The following HK1 variants were observed in gnomAD, a reference collection of about 807,000 sequenced individuals.
HK1 encodes the protein hexokinase-1.
A neutral mutation model predicts 91.6 loss-of-function variants in HK1; 28 were observed. That is an observed-to-expected ratio of 0.31 (90% CI 0.23 to 0.42). The LOEUF (loss-of-function observed/expected upper bound fraction) is 0.42, where lower values mean the gene tolerates loss of function less well. Among genes scored for constraint, HK1 ranks in the 10% least tolerant of loss-of-function variants. HK1 has a pLI of 1.00. For synonymous variants in HK1, 430 were observed against 468.1 expected, an observed-to-expected ratio of 0.92 and a Z score of 1.05; for missense variants, 770 against 1,219.8, an observed-to-expected ratio of 0.63 and a Z score of 5.49.
chr10:69,305,845 T>G (rs1369079634), intron 5 of HK1, among the ~76,000 whole-genome samples: 1 of 145,890 alleles, frequency 6.9e-6, no homozygotes. Context: ...AGAGTGAGAC[T>G]CTGTCTCAAA....
intron 5 of HK1, among the ~76,000 whole-genome samples, chr10:69,303,877 G>C (rs956414527): frequency 3.3e-5 from 5 of 152,192 alleles, no homozygotes; most frequent in Admixed American, 1.3e-4. Flanking sequence ...AGGATAATTT[G>C]GTGGGTAGGA....
At chr10:69,288,359 A>C (rs1324405642) in intron 2 of HK1, among the ~76,000 whole-genome samples, 1 of 152,132 alleles carries the variant, frequency 6.6e-6, no homozygotes, top group Non-Finnish European at 1.5e-5. Context: ...CCTGTAACCC[A>C]GCACTTTAGG....
Position 69,364,786 on chromosome 10 carries a change from T to C in HK1, c.379T>C (p.Phe127Leu). 6.2e-7 allele frequency: 1 copy of C among 1,614,202 alleles called. No homozygotes were observed. Among genetic ancestry groups the C allele is most frequent in the Non-Finnish European group, 8.5e-7 (1 of 1,180,042 alleles). ...ACTGCTCTCATGTTTCCTTCAGCTT[T>C]TTGATCATGTTGCTGAGTGCCTGGG... The part of the protein sequence containing the change: ...NIVHGSGSQL[F>L]DHVAECLGDF... The change falls in exon 4 of 18, where the codon TTT becomes CTT. Residue 127 changes from phenylalanine to leucine, a missense_variant. By Grantham distance (22) the Phe-to-Leu change is conservative. Around this residue, in one of 7 missense-constraint regions of HK1, gnomAD observed 449 missense variants for 665.1 expected, o/e 0.68. Coordinates refer to ENST00000359426, the MANE Select transcript of HK1 (RefSeq NM_000188.3).
At position 69,398,783 on chromosome 10, in the gene HK1, A is replaced by C. The variant is rs747789148; in HGVS notation, c.2564A>C (p.Asn855Thr). 6.2e-7 allele frequency: 1 copy of C among 1,614,072 alleles called. No individual in the cohort carries two copies. The highest frequency in any genetic ancestry group is 8.5e-7 in the Non-Finnish European group (1 of 1,179,916). Reference sequence around the variant, plus strand: ...GAGAACAGAGGACTGGACCGTCTGAATGTGACTGTGGGAGTGGACGGGACA... The same window carrying C: ...GAGAACAGAGGACTGGACCGTCTGACTGTGACTGTGGGAGTGGACGGGACA... ...IRENRGLDRL[N>T]VTVGVDGTLY... Residue 855 changes from asparagine to threonine, a missense_variant, in exon 17 of 18, where the codon AAT becomes ACT. Coordinates refer to ENST00000359426, the MANE Select transcript of HK1 (RefSeq NM_000188.3).
At chr10:69,400,081 G>C (rs557337165) in intron 17 of HK1, among the ~76,000 whole-genome samples, 35 of 152,362 alleles carry the variant, frequency 2.3e-4, no homozygotes, top group Admixed American at 3.9e-4. Flanking sequence ...CCGTCACTTA[G>C]AATCTGTGTG....
intron 1 of HK1, among the ~76,000 whole-genome samples, chr10:69,281,988 G>C (rs1844777761): frequency 6.6e-6 from 1 of 152,018 alleles, no homozygotes; most frequent in South Asian, 2.1e-4. Context: ...TTTTAGCTCT[G>C]AGCTACTTAC....
intron 1 of HK1, among the ~76,000 whole-genome samples, chr10:69,324,864 A>T (rs536236891): frequency 6.6e-6 from 1 of 152,154 alleles, no homozygotes; most frequent in Admixed American, 6.5e-5. Flanking sequence ...CAACCACTTA[A>T]TATACACTGG....
chr10:69,312,259 CAG>C (rs1292776227), upstream of HK1, among the ~76,000 whole-genome samples: 1 of 152,192 alleles, frequency 6.6e-6, no homozygotes, highest in African/African-American at 2.4e-5. Flanking sequence ...ATTTCTGAGA[CAG>C]AGGCTCACTC....
intron 5 of HK1, 87 bp downstream of exon 5, chr10:69,368,718 G>A: frequency 9.6e-7 from 1 of 1,041,858 alleles, no homozygotes; most frequent in Non-Finnish European, 1.5e-6. Flanking sequence ...CCCTTCCTGG[G>A]GGGCAGTAGT....
intron 3 of HK1, among the ~76,000 whole-genome samples, chr10:69,293,671 C>T (rs946337312): frequency 1.2e-4 from 19 of 152,114 alleles, no homozygotes; most frequent in African/African-American, 4.3e-4. Context: ...GGTCTGCAGG[C>T]AGCTTGAGGT....
At chr10:69,320,843 A>G (rs1258252904) in intron 1 of HK1, among the ~76,000 whole-genome samples, 2 of 152,068 alleles carry the variant, frequency 1.3e-5, no homozygotes, top group African/African-American at 4.8e-5. Flanking sequence ...TCAGACATAC[A>G]GTGTCTAGGG....
chr10:69,394,673 T>C (rs111727553), intron 15 of HK1, among the ~76,000 whole-genome samples: 7,205 of 152,098 alleles, frequency 0.047, 573 homozygotes, highest in African/African-American at 0.16. Context: ...GGAAGTGACC[T>C]TGGGGCTGAG....
chr10:69,307,522 C>T (rs540481996), intron 5 of HK1, among the ~76,000 whole-genome samples: 1 of 152,270 alleles, frequency 6.6e-6, no homozygotes, highest in Admixed American at 6.5e-5. Context: ...ATAAATATTG[C>T]ATTTTGTCGG....
intron 2 of HK1, among the ~76,000 whole-genome samples, chr10:69,346,151 A>G (rs1848548652): frequency 6.6e-6 from 1 of 152,106 alleles, no homozygotes; most frequent in African/African-American, 2.4e-5. Flanking sequence ...GAATCAGGAG[A>G]TCCCTGCAGT....
At chr10:69,315,433 G>C (rs1324377489), upstream of HK1, among the ~76,000 whole-genome samples, 1 of 152,148 alleles carries the variant, frequency 6.6e-6, no homozygotes, top group Non-Finnish European at 1.5e-5. Flanking sequence ...TTGTGTAGGA[G>C]GTACCACAGT....
At position 69,401,492 on chromosome 10, in the gene HK1, C is replaced by T. The variant is rs1452094962; in HGVS notation, c.*357C>T. The T allele has an allele frequency of 1.1e-5, 4 of 372,536 alleles. No individual in the cohort carries two copies. The highest frequency in any genetic ancestry group is 2.2e-5 in the South Asian group (1 of 45,508). 23.1% of individuals were successfully genotyped at this position (372,536 alleles called of 1,614,324 possible). On this transcript the variant is annotated 3_prime_UTR_variant, in exon 18 of 18. Coordinates refer to ENST00000359426, the MANE Select transcript of HK1 (RefSeq NM_000188.3). The stretch of plus-strand genomic sequence containing the variant: ...CACACCACCTGACAGGCCTTCTGGG[C>T]CTCCAAAGCCCATCCTTGGGGTTCC...
At chr10:69,289,571 AAGTG>A (rs537635860) in intron 3 of HK1, among the ~76,000 whole-genome samples, 2,982 of 144,984 alleles carry the variant, frequency 0.021, 109 homozygotes, top group African/African-American at 0.071. Context: ...TCCTGGGTTA[AAGTG>A]ATTCTTGTGC....
chr10:69,367,642 G>C (rs1268133895), intron 4 of HK1, among the ~76,000 whole-genome samples: 2 of 152,068 alleles, frequency 1.3e-5, no homozygotes, highest in Non-Finnish European at 2.9e-5. Flanking sequence ...AGTCTGTGTG[G>C]CTCCCACCGT....
intron 1 of HK1, among the ~76,000 whole-genome samples, chr10:69,328,267 C>T (rs974174892): frequency 2.6e-5 from 4 of 152,142 alleles, no homozygotes; most frequent in South Asian, 2.1e-4. Context: ...TGTCCCTGTG[C>T]GAGGCAGAAA....
Sources: allele counts gnomAD v4.1 joint callset (sites outside exome capture counted in the v4.1 genomes callset), GRCh38; gene constraint gnomAD v4.1.1; regional missense constraint gnomAD v4.1.1; transcripts MANE v1.5; gene names NCBI Gene and HGNC (gene_info 2026-07-23, HGNC 2026-07-21).